PLCZ1: variants seen among roughly 807,000 people sequenced by gnomAD.
The protein encoded by PLCZ1 is 1-phosphatidylinositol 4,5-bisphosphate phosphodiesterase zeta-1.
PLCZ1 carries 64 observed loss-of-function variants against 76.8 expected under a neutral mutation model. The observed-to-expected ratio is 0.83, with a 90% confidence interval of 0.68 to 1.03. PLCZ1 has a LOEUF of 1.03. PLCZ1 is among the 50% of genes least tolerant of loss of function. The pLI is 0.00. For missense variants in PLCZ1, 751 were observed against 713.7 expected, an observed-to-expected ratio of 1.05 and a Z score of -0.60; for synonymous variants, 248 against 230.8, an observed-to-expected ratio of 1.07 and a Z score of -0.68.
chr12:18,656,753 C>T, the PLCZ1 span, among the ~76,000 whole-genome samples: 8 of 50,348 alleles, frequency 1.6e-4, no homozygotes, highest in South Asian at 1.1e-3. Flanking sequence ...GCAACAACAA[C>T]GACAACAACA....
At chr12:18,717,923 AT>A (rs1027663769) in intron 5 of PLCZ1, among the ~76,000 whole-genome samples, 100 of 152,254 alleles carry the variant, frequency 6.6e-4, no homozygotes, top group African/African-American at 2.2e-3. Context: ...CAAGCTAGCA[AT>A]ATGCTGTATG....
chr12:18,693,249 A>G, intron 12 of PLCZ1: 2 of 1,547,226 alleles, frequency 1.3e-6, no homozygotes, highest in Non-Finnish European at 1.8e-6. Flanking sequence ...CAAGGTGCAT[A>G]CCATGATAGG....
the PLCZ1 span, among the ~76,000 whole-genome samples, chr12:18,653,115 A>G: frequency 1.3e-5 from 2 of 152,064 alleles, no homozygotes; most frequent in African/African-American, 4.8e-5. Context: ...AAAATAAATG[A>G]GGTTATAGAT....
chr12:18,652,418 A>G, the PLCZ1 span, among the ~76,000 whole-genome samples: 2 of 152,154 alleles, frequency 1.3e-5, no homozygotes, highest in Admixed American at 6.5e-5. Context: ...GCGAACTGCA[A>G]AAGAGGCATG....
At chr12:18,716,786 C>T (rs1207199007) in intron 5 of PLCZ1, among the ~76,000 whole-genome samples, 1 of 151,994 alleles carries the variant, frequency 6.6e-6, no homozygotes, top group African/African-American at 2.4e-5. Flanking sequence ...TTTGTTGTAA[C>T]TTATTTAGAT....
At chr12:18,703,465 C>T (rs558770085) in intron 7 of PLCZ1, among the ~76,000 whole-genome samples, 5 of 152,142 alleles carry the variant, frequency 3.3e-5, no homozygotes, top group Non-Finnish European at 5.9e-5. Flanking sequence ...TGTTTTTCTT[C>T]GATGGTGCAT....
At chr12:18,735,376 T>C (rs935673110) in intron 3 of PLCZ1, among the ~76,000 whole-genome samples, 4 of 152,142 alleles carry the variant, frequency 2.6e-5, no homozygotes, top group African/African-American at 9.7e-5. Context: ...AGTCATTTGG[T>C]CCTGGGCTTT....
intron 5 of PLCZ1, 106 bp from the exon 6 acceptor site, chr12:18,713,092 A>AAGC (rs1181154172): frequency 2.8e-6 from 4 of 1,412,814 alleles, no homozygotes; most frequent in African/African-American, 1.4e-5. Context: ...TAAATGCATA[A>AAGC]ATGAGTCCAT....
At chr12:18,688,583 T>A (rs1005690537) in intron 12 of PLCZ1, among the ~76,000 whole-genome samples, 7 of 151,722 alleles carry the variant, frequency 4.6e-5, no homozygotes, top group African/African-American at 1.5e-4. Context: ...CTGGAAAAAA[T>A]TTAAAGCAAT....
At chr12:18,733,921 T>C (rs1959171301) in intron 3 of PLCZ1, among the ~76,000 whole-genome samples, 1 of 152,216 alleles carries the variant, frequency 6.6e-6, no homozygotes, top group African/African-American at 2.4e-5. Context: ...TTTATATTTC[T>C]TTTTTAAGAT....
intron 12 of PLCZ1, among the ~76,000 whole-genome samples, chr12:18,694,409 G>A (rs1051776508): frequency 1.3e-5 from 2 of 152,138 alleles, no homozygotes; most frequent in Non-Finnish European, 2.9e-5. Flanking sequence ...GACAGATACT[G>A]GAGAAAGACA....
intron 12 of PLCZ1, chr12:18,693,262 T>C (rs56204895): frequency 0.14 from 219,378 of 1,523,186 alleles, 17,187 homozygotes; most frequent in African/African-American, 0.21. Context: ...ATGATAGGGG[T>C]GCTGATGGAT....
At chr12:18,708,198 A>G (rs1338526420) in intron 6 of PLCZ1, among the ~76,000 whole-genome samples, 1 of 152,094 alleles carries the variant, frequency 6.6e-6, no homozygotes, top group Non-Finnish European at 1.5e-5. Context: ...GTTCCTGTCA[A>G]CCACTGTTTG....
chr12:18,702,918 T>C (rs1956134640), intron 7 of PLCZ1, among the ~76,000 whole-genome samples: 1 of 150,562 alleles, frequency 6.6e-6, no homozygotes, highest in Non-Finnish European at 1.5e-5. Context: ...CCTCCTGGGT[T>C]CAAGAGATTC....
chr12:18,648,020 A>G, the PLCZ1 span: 2 of 1,590,096 alleles, frequency 1.3e-6, no homozygotes, highest in Admixed American at 1.8e-5. Flanking sequence ...AGGAAACAGT[A>G]TAATTTGACC....
At chr12:18,683,630 T>A (rs745347681) in intron 14 of PLCZ1, 1 of 1,388,322 alleles carries the variant, frequency 7.2e-7, no homozygotes, top group South Asian at 1.2e-5. Flanking sequence ...ACATCTCAGA[T>A]GCTGTTAGAA....
the PLCZ1 span, among the ~76,000 whole-genome samples, chr12:18,669,459 T>A: frequency 5.3e-5 from 8 of 152,196 alleles, no homozygotes; most frequent in African/African-American, 1.9e-4. Context: ...AAAGATACTG[T>A]CTTAATGTGA....
the PLCZ1 span, among the ~76,000 whole-genome samples, chr12:18,673,059 G>C: frequency 6.6e-6 from 1 of 152,074 alleles, no homozygotes; most frequent in Non-Finnish European, 1.5e-5. Flanking sequence ...ACATAGAAGA[G>C]AATTAAAAAG....
the PLCZ1 span, among the ~76,000 whole-genome samples, chr12:18,670,572 T>C: frequency 6.6e-6 from 1 of 152,194 alleles, no homozygotes; most frequent in African/African-American, 2.4e-5. Context: ...GAGGGTTAAC[T>C]TCCTTTCTGC....
Sources: gnomAD v4.1 joint callset for allele counts (sites outside exome capture counted in the v4.1 genomes callset) on GRCh38, gnomAD v4.1.1 for gene constraint, MANE v1.5 for transcripts, NCBI Gene and HGNC (gene_info 2026-07-23, HGNC 2026-07-21) for gene names.